Variants in MYOZ1 observed in about 807,000 individuals in gnomAD.
MYOZ1 encodes myozenin-1.
Under a neutral mutation model 28.7 loss-of-function variants are expected in MYOZ1, and 20 were observed. The observed-to-expected ratio is 0.70, with a 90% CI of 0.49 to 1.01. The LOEUF is 1.01. Ranked by LOEUF, MYOZ1 falls within the 50% of genes least tolerant of loss-of-function variation. The pLI is 0.00. For missense variants in MYOZ1, 371 were observed against 372.4 expected, an observed-to-expected ratio of 1.00 and a Z score of 0.03; for synonymous variants, 144 against 145.8, an observed-to-expected ratio of 0.99 and a Z score of 0.09.
chr10:73,638,796 A>G (rs1246040821), intron 2 of MYOZ1, among the ~76,000 whole-genome samples: 1 of 151,166 alleles, frequency 6.6e-6, no homozygotes, highest in Non-Finnish European at 1.5e-5. Context: ...TCTCCCAAGT[A>G]GCCGGGATTA....
At chr10:73,635,654 GA>G (rs2081663540) in intron 3 of MYOZ1, among the ~76,000 whole-genome samples, 1 of 152,146 alleles carries the variant, frequency 6.6e-6, no homozygotes, top group Non-Finnish European at 1.5e-5. Flanking sequence ...AAAGTGCTGA[GA>G]TAACAGGCAT....
intron 1 of MYOZ1, among the ~76,000 whole-genome samples, chr10:73,641,204 T>TC (rs1199631395): frequency 1.5e-4 from 22 of 151,722 alleles, no homozygotes; most frequent in African/African-American, 5.3e-4. Flanking sequence ...TTCCAGTGCC[T>TC]CCCCCGACAT....
At chr10:73,634,790 A>C (rs2081657369) in intron 3 of MYOZ1, 57 bp from the exon 4 acceptor site, 1 of 1,576,540 alleles carries the variant, frequency 6.3e-7, no homozygotes, top group Non-Finnish European at 8.6e-7. Context: ...AATATACAAA[A>C]ACAGAGGTAT....
At chr10:73,632,873 C>T (rs528159940) in intron 5 of MYOZ1, among the ~76,000 whole-genome samples, 3 of 152,152 alleles carry the variant, frequency 2.0e-5, no homozygotes, top group African/African-American at 7.2e-5. Flanking sequence ...ATTATTGTTG[C>T]CTGGAAAATC....
chr10:73,633,550 G>A (rs188804116), intron 5 of MYOZ1, among the ~76,000 whole-genome samples: 24 of 152,082 alleles, frequency 1.6e-4, no homozygotes, highest in Admixed American at 3.3e-4. Context: ...GCGATATAGC[G>A]AGACCCCATT....
rs200349316 is a variant in MYOZ1, at chr10:73,637,010, C to CTTTTTTTTTTTTTTTTTTTTTTTTT, written c.252+733_252+734insAAAAAAAAAAAAAAAAAAAAAAAAA. Reference sequence around the variant, plus strand: ...TTATCTTCTTCCTTTTTTCTTTTTTCTTTCTTTTTTTTTTTTTTTTGAGAC... The same window carrying CTTTTTTTTTTTTTTTTTTTTTTTTT: ...TTATCTTCTTCCTTTTTTCTTTTTTCTTTTTTTTTTTTTTTTTTTTTTTTTTTTCTTTTTTTTTTTTTTTTGAGAC... On this transcript the variant is annotated intron_variant, in intron 3 of 5. Coordinates refer to ENST00000359322, the MANE Select transcript of MYOZ1 (RefSeq NM_021245.4). 2.9e-5 allele frequency among the ~76,000 whole-genome samples: 4 copies of CTTTTTTTTTTTTTTTTTTTTTTTTT among 137,522 alleles called. 1 individual carries two copies. Among genetic ancestry groups the CTTTTTTTTTTTTTTTTTTTTTTTTT allele is most frequent in the South Asian group, 2.3e-4 (1 of 4,432 alleles). 90.2% of individuals were successfully genotyped at this position (137,522 alleles called of 152,430 possible). A position where few individuals can be genotyped will look rare whatever the true frequency, so the allele number is the denominator to read the frequency against.
intron 3 of MYOZ1, among the ~76,000 whole-genome samples, chr10:73,635,669 C>T (rs1424946320): frequency 6.6e-6 from 1 of 152,154 alleles, no homozygotes; most frequent in Non-Finnish European, 1.5e-5. Flanking sequence ...CAGGCATGAG[C>T]TGTGTCCAGC....
intron 5 of MYOZ1, among the ~76,000 whole-genome samples, chr10:73,633,424 A>G (rs2081647704): frequency 6.6e-6 from 1 of 151,696 alleles, no homozygotes; most frequent in South Asian, 2.1e-4. Flanking sequence ...GTAAAATGTT[A>G]TTCGCATTTA....
In MYOZ1 at chr10:73,634,081, G is replaced by C; in HGVS notation, c.503-16C>G. 6.2e-7 allele frequency: 1 copy of C among 1,613,906 alleles called. No individual in the cohort carries two copies. The highest frequency in any genetic ancestry group is 2.2e-5 in the East Asian group (1 of 44,860). Reference sequence around the variant, plus strand: ...GCCTGGTCTCCTGGTAGCCATGGGAGAGAAAATTCAGTCAAATAATAGCAT... The same window carrying C: ...GCCTGGTCTCCTGGTAGCCATGGGACAGAAAATTCAGTCAAATAATAGCAT... On this transcript the variant is annotated splice_polypyrimidine_tract_variant and intron_variant, in intron 4 of 5. Coordinates refer to ENST00000359322, the MANE Select transcript of MYOZ1 (RefSeq NM_021245.4).
chr10:73,632,250 A>G (rs2081639589), intron 5 of MYOZ1, 89 bp from the exon 6 acceptor site: 1 of 1,201,050 alleles, frequency 8.3e-7, no homozygotes, highest in Non-Finnish European at 1.2e-6. Context: ...AGAATAGGGA[A>G]GTCTGTGAAT....
At position 73,631,951 on chromosome 10, in the gene MYOZ1, A is replaced by G; in HGVS notation, c.879T>C (p.Asp293=). ...DYNVDIGIPL[D]GETEEL is the part of the protein sequence containing the mutation. Reference sequence around the variant, plus strand: ...CACCTCACAGCTCCTCTGTTTCTCCATCCAAGGGGATGCCAATATCCACGT... The same window carrying G: ...CACCTCACAGCTCCTCTGTTTCTCCGTCCAAGGGGATGCCAATATCCACGT... The change falls in exon 6 of 6, where the codon GAT becomes GAC. Residue 293 remains aspartate (D), a synonymous_variant. Transcript: ENST00000359322. The G allele has an allele frequency of 6.2e-7, 1 of 1,613,936 alleles. No individual in the cohort carries two copies. Among genetic ancestry groups the G allele is most frequent in the South Asian group, 1.1e-5 (1 of 91,078 alleles).
At chr10:73,641,021 G>T (rs2081700809) in intron 1 of MYOZ1, among the ~76,000 whole-genome samples, 1 of 152,170 alleles carries the variant, frequency 6.6e-6, no homozygotes, top group Non-Finnish European at 1.5e-5. Context: ...TTGAGGTGGG[G>T]CAGAAACATA....
At chr10:73,634,848 CTGA>C in intron 3 of MYOZ1, 115 bp from the exon 4 acceptor site, 1 of 1,251,172 alleles carries the variant, frequency 8.0e-7, no homozygotes, top group Non-Finnish European at 1.1e-6. Flanking sequence ...CCTGAATTTT[CTGA>C]TATTTCCCCC....
chr10:73,638,227 T>C (rs952343083), intron 2 of MYOZ1, among the ~76,000 whole-genome samples: 3 of 151,616 alleles, frequency 2.0e-5, no homozygotes, highest in Non-Finnish European at 4.4e-5. Flanking sequence ...TGGAGGCCAT[T>C]GGAGAAACCA....
At chr10:73,637,715 T>C (rs758877881) in intron 3 of MYOZ1, 29 bp downstream of exon 3, 4 of 1,590,516 alleles carry the variant, frequency 2.5e-6, no homozygotes, top group Non-Finnish European at 1.7e-6. Flanking sequence ...GCACCAGGCT[T>C]TGAGATAGTG....
chr10:73,632,239 G>A, intron 5 of MYOZ1, 78 bp from the exon 6 acceptor site: 2 of 1,267,326 alleles, frequency 1.6e-6, no homozygotes, highest in Non-Finnish European at 2.3e-6. Context: ...TACCCTCTTT[G>A]AGAATAGGGA....
intron 3 of MYOZ1, among the ~76,000 whole-genome samples, chr10:73,635,086 G>T (rs1419613140): frequency 6.6e-6 from 1 of 151,802 alleles, no homozygotes; most frequent in Non-Finnish European, 1.5e-5. Flanking sequence ...ATCACACCCG[G>T]CTAATTTGAT....
intron 5 of MYOZ1, among the ~76,000 whole-genome samples, chr10:73,632,566 A>G (rs1318758772): frequency 6.6e-6 from 1 of 151,582 alleles, no homozygotes; most frequent in East Asian, 1.9e-4. Context: ...GGAGTTTGAG[A>G]CTAGCCTGGT....
At chr10:73,640,900 T>C (rs2132410101) in intron 1 of MYOZ1, among the ~76,000 whole-genome samples, 1 of 152,214 alleles carries the variant, frequency 6.6e-6, no homozygotes, top group South Asian at 2.1e-4. Context: ...GCCCTGCTCC[T>C]GCAATCACTC....
Sources: allele counts gnomAD v4.1 joint callset (sites outside exome capture counted in the v4.1 genomes callset), GRCh38; gene constraint gnomAD v4.1.1; transcripts MANE v1.5; gene names NCBI Gene and HGNC (gene_info 2026-07-23, HGNC 2026-07-21).